The following IL16 variants were observed in gnomAD, a reference collection of about 807,000 sequenced individuals.
IL16 encodes pro-interleukin-16.
IL16 carries 67 observed loss-of-function variants against 110.1 expected under a neutral mutation model. The ratio of observed to expected loss-of-function variants is 0.61; its 90% confidence interval spans 0.50 to 0.75. IL16 has a LOEUF of 0.75. Ranked by LOEUF, IL16 falls within the 30% of genes least tolerant of loss-of-function variation. The probability of loss-of-function intolerance (pLI) is 0.00; values close to 1 mark genes in which losing one functional copy is unlikely to be tolerated. For missense variants in IL16, 1,545 were observed against 1,655.0 expected, an observed-to-expected ratio of 0.93 and a Z score of 1.15; for synonymous variants, 689 against 662.9, an observed-to-expected ratio of 1.04 and a Z score of -0.61.
chr15:81,274,298 TAA>T lies in IL16; in HGVS notation c.790+1097_790+1098del, dbSNP rs527676337. 2.2e-4 allele frequency among the ~76,000 whole-genome samples: 34 copies of T among 152,360 alleles called. No individual in the cohort carries two copies. In the East Asian group the frequency reaches 5.4e-3, roughly 24 times the overall value. ...TTACATTTCTAAATGGTTGAAAATT[TAA>T]AAGTGTTTTTGATTATTTTATGATA... On this transcript the variant is annotated intron_variant, in intron 6 of 18. Coordinates refer to ENST00000683961, the MANE Select transcript of IL16 (RefSeq NM_172217.5).
chr15:81,280,222 G>A (rs531006700), intron 8 of IL16, among the ~76,000 whole-genome samples: 8 of 152,188 alleles, frequency 5.3e-5, no homozygotes, highest in African/African-American at 1.9e-4. Context: ...CCCCCCAGGT[G>A]GGGGCTCGGA....
At chr15:81,283,243 G>A (rs1899274628) in intron 9 of IL16, among the ~76,000 whole-genome samples, 1 of 152,226 alleles carries the variant, frequency 6.6e-6, no homozygotes, top group South Asian at 2.1e-4. Flanking sequence ...TGGGCCGGGA[G>A]GCAGAGAAGC....
At chr15:81,242,023 A>G (rs758762345) in intron 2 of IL16, among the ~76,000 whole-genome samples, 8 of 150,296 alleles carry the variant, frequency 5.3e-5, no homozygotes, top group Non-Finnish European at 1.0e-4. Context: ...ACTATCTTCC[A>G]TTGAATTCCT....
At chr15:81,253,569 T>C (rs2142156869) in intron 2 of IL16, among the ~76,000 whole-genome samples, 1 of 152,330 alleles carries the variant, frequency 6.6e-6, no homozygotes, top group South Asian at 2.1e-4. Flanking sequence ...TCCTATATTT[T>C]CTTTAAGACT....
At chr15:81,256,023 A>T (rs545734995) in intron 2 of IL16, among the ~76,000 whole-genome samples, 5 of 152,236 alleles carry the variant, frequency 3.3e-5, no homozygotes, top group Admixed American at 2.0e-4. Context: ...ATACAGAAAC[A>T]TGTGAAAAAA....
intron 2 of IL16, among the ~76,000 whole-genome samples, chr15:81,257,968 G>C (rs942264808): frequency 3.3e-5 from 5 of 152,106 alleles, no homozygotes; most frequent in African/African-American, 1.2e-4. Context: ...GATATTCAGA[G>C]AGCTTTCCTG....
chr15:81,249,622 A>G (rs1453712012), intron 2 of IL16, among the ~76,000 whole-genome samples: 1 of 152,156 alleles, frequency 6.6e-6, no homozygotes, highest in South Asian at 2.1e-4. Context: ...AAAATCTTCT[A>G]TATGTTTTAG....
intron 18 of IL16, among the ~76,000 whole-genome samples, 168 bp from the exon 19 acceptor site, chr15:81,308,437 C>T (rs187245763): frequency 1.1e-4 from 17 of 152,320 alleles, no homozygotes; most frequent in Non-Finnish European, 1.5e-5. Context: ...ACCTCTGAGT[C>T]ACCATCTTAA....
intron 1 of IL16, among the ~76,000 whole-genome samples, chr15:81,220,191 G>A (rs1896566602): frequency 6.6e-6 from 1 of 152,130 alleles, no homozygotes. Context: ...CTGGAGTGCA[G>A]TGCTGTGATT....
intron 1 of IL16, among the ~76,000 whole-genome samples, chr15:81,189,998 C>T (rs1229747272): frequency 6.6e-6 from 1 of 152,218 alleles, no homozygotes; most frequent in Non-Finnish European, 1.5e-5. Flanking sequence ...CACAGCTGGG[C>T]ACCATCCACC....
chr15:81,242,331 ATTAATC>A (rs1279537122), intron 2 of IL16, among the ~76,000 whole-genome samples: 4 of 152,196 alleles, frequency 2.6e-5, no homozygotes, highest in Non-Finnish European at 5.9e-5. Context: ...TTTGGGAAGA[ATTAATC>A]TTTACTATGC....
chr15:81,290,099 G>T (rs1899639636), intron 10 of IL16: 1 of 331,602 alleles, frequency 3.0e-6, no homozygotes, highest in Non-Finnish European at 5.7e-6. Context: ...CGATATTGTT[G>T]ATAATGATGA....
intron 4 of IL16, among the ~76,000 whole-genome samples, chr15:81,266,864 G>A (rs1898405091): frequency 1.3e-5 from 2 of 152,166 alleles, no homozygotes; most frequent in Admixed American, 6.5e-5. Flanking sequence ...GGGTCTCCAC[G>A]GTCAAGCAAT....
chr15:81,198,719 CTT>C (rs1173282498), intron 1 of IL16, among the ~76,000 whole-genome samples: 1 of 151,792 alleles, frequency 6.6e-6, no homozygotes, highest in Non-Finnish European at 1.5e-5. Flanking sequence ...GGGAGGTACA[CTT>C]TGAATTGAAA....
At position 81,312,658 on chromosome 15, in the gene IL16, AT is replaced by A. The variant is rs1206374179; in HGVS notation, c.*3862del. ...AACAAATTCATCAAATGGAAGACACATTGAAAGTGTTTTTCCTTAATGCTTA... is the reference window on the plus strand; with the variant it reads ...AACAAATTCATCAAATGGAAGACACATGAAAGTGTTTTTCCTTAATGCTTA... On this transcript the variant is annotated 3_prime_UTR_variant, in exon 19 of 19. Coordinates refer to ENST00000683961, the MANE Select transcript of IL16 (RefSeq NM_172217.5). The A allele has an allele frequency of 6.6e-6, 1 of 152,270 alleles. No homozygotes were observed. The highest frequency in any genetic ancestry group is 2.4e-5 in the African/African-American group (1 of 41,480). The allele number at this position is 152,270 out of a possible 1,614,324, so 9.4% of individuals were successfully genotyped here.
intron 2 of IL16, among the ~76,000 whole-genome samples, chr15:81,228,005 A>G (rs900622055): frequency 1.3e-5 from 2 of 152,178 alleles, no homozygotes; most frequent in African/African-American, 4.8e-5. Flanking sequence ...GGGGCTGGAA[A>G]AATGGTCAGG....
rs753706846 is a variant in IL16 at position 81,279,757 on chromosome 15, A to G, written c.1064A>G (p.Glu355Gly). 2 of 1,614,192 alleles carry G rather than the reference A, an allele frequency of 1.2e-6. No homozygotes were observed. The highest frequency in any genetic ancestry group is 1.7e-6 in the Non-Finnish European group (2 of 1,180,008). The part of the protein sequence containing the change: ...TAKPNYRIMV[E>G]VSLQKEAGVG... ...AAGCCCAATTACAGAATCATGGTGGAGGTTTCTCTGCAGAAAGGTAGGAGT... is the reference window on the plus strand; with the variant it reads ...AAGCCCAATTACAGAATCATGGTGGGGGTTTCTCTGCAGAAAGGTAGGAGT... Residue 355 changes from glutamate to glycine, a missense_variant, in exon 8 of 19, where the codon GAG (glutamate) becomes GGG (glycine). Coordinates refer to ENST00000683961, the MANE Select transcript of IL16 (RefSeq NM_172217.5).
At chr15:81,244,249 C>G (rs1291673781) in intron 2 of IL16, among the ~76,000 whole-genome samples, 3 of 152,124 alleles carry the variant, frequency 2.0e-5, no homozygotes, top group East Asian at 1.9e-4. Context: ...GAAGAAAAGT[C>G]TATTGTATTT....
At chr15:81,293,825 G>A (rs147425085) in intron 12 of IL16, among the ~76,000 whole-genome samples, 2 of 152,282 alleles carry the variant, frequency 1.3e-5, no homozygotes, top group East Asian at 1.9e-4. Flanking sequence ...CATTTTATGC[G>A]CAGGCTAACC....
Sources: allele counts gnomAD v4.1 joint callset (sites outside exome capture counted in the v4.1 genomes callset), GRCh38; gene constraint gnomAD v4.1.1; transcripts MANE v1.5; gene names NCBI Gene and HGNC (gene_info 2026-07-23, HGNC 2026-07-21).